The following DPP10 variants were observed in gnomAD, a reference collection of about 807,000 sequenced individuals.
DPP10 encodes inactive dipeptidyl peptidase 10.
In DPP10, 33 loss-of-function variants were observed where a neutral mutation model predicts 120.9. That is an observed-to-expected ratio of 0.27 (90% confidence interval 0.21 to 0.37). DPP10 has a LOEUF of 0.37. Among genes scored for constraint, DPP10 ranks in the 10% least tolerant of loss-of-function variants. The pLI, the probability that DPP10 is intolerant of heterozygous loss-of-function variation, is 1.00. For synonymous variants in DPP10, 337 were observed against 326.1 expected, an observed-to-expected ratio of 1.03 and a Z score of -0.36; for missense variants, 816 against 942.8, an observed-to-expected ratio of 0.87 and a Z score of 1.76.
intron 19 of DPP10, among the ~76,000 whole-genome samples, chr2:115,812,686 T>C (rs17045053): frequency 0.018 from 2,777 of 152,274 alleles, 87 homozygotes; most frequent in African/African-American, 0.061. Context: ...AGGCATATTT[T>C]GATTTGAATC....
At chr2:115,726,040 A>G (rs1325322822) in intron 7 of DPP10, among the ~76,000 whole-genome samples, 1 of 152,148 alleles carries the variant, frequency 6.6e-6, no homozygotes, top group Non-Finnish European at 1.5e-5. Context: ...TTTTAGTAAT[A>G]AGCTTATTTC....
At chr2:115,588,250 T>A (rs190849506) in intron 5 of DPP10, among the ~76,000 whole-genome samples, 22 of 152,236 alleles carry the variant, frequency 1.4e-4, no homozygotes, top group African/African-American at 5.1e-4. Flanking sequence ...TGTTTGGTGA[T>A]CTAGTTCCTC....
intron 5 of DPP10, among the ~76,000 whole-genome samples, chr2:115,633,138 T>A (rs1283624647): frequency 2.0e-5 from 3 of 152,204 alleles, no homozygotes; most frequent in Admixed American, 2.0e-4. Context: ...ACACGTATGT[T>A]TATTATGGCA....
intron 1 of DPP10, among the ~76,000 whole-genome samples, chr2:115,123,744 C>T (rs2049937666): frequency 6.6e-6 from 1 of 152,078 alleles, no homozygotes; most frequent in African/African-American, 2.4e-5. Flanking sequence ...CCTGGGGCAG[C>T]CCTCTCCTGC....
intron 8 of DPP10, among the ~76,000 whole-genome samples, chr2:115,729,669 G>A (rs7608947): frequency 0.48 from 72,022 of 151,620 alleles, 18,659 homozygotes; most frequent in African/African-American, 0.68. Context: ...GAAGTGAGAG[G>A]ATTGTTAATG....
intron 1 of DPP10, among the ~76,000 whole-genome samples, chr2:114,659,398 A>C (rs1697224765): frequency 6.6e-6 from 1 of 152,134 alleles, no homozygotes; most frequent in African/African-American, 2.4e-5. Flanking sequence ...ACTGGGGACT[A>C]TTGCTTAATC....
At chr2:114,451,246 T>C (rs1678258150) in intron 1 of DPP10, among the ~76,000 whole-genome samples, 1 of 151,966 alleles carries the variant, frequency 6.6e-6, no homozygotes, top group Non-Finnish European at 1.5e-5. Flanking sequence ...CTCAGAACAG[T>C]TGTTGGATGA....
intron 3 of DPP10, among the ~76,000 whole-genome samples, chr2:115,394,836 G>A (rs1320073226): frequency 6.6e-6 from 1 of 151,998 alleles, no homozygotes; most frequent in Admixed American, 6.6e-5. Context: ...CTTGAATATG[G>A]GAAATCCATA....
chr2:115,740,722 T>G (rs181982409), intron 9 of DPP10, among the ~76,000 whole-genome samples: 39 of 152,282 alleles, frequency 2.6e-4, no homozygotes, highest in African/African-American at 8.7e-4. Flanking sequence ...TTTTCCTCTG[T>G]ATGCCATCTT....
chr2:115,261,070 A>G (rs927698145), intron 1 of DPP10, among the ~76,000 whole-genome samples: 3 of 152,186 alleles, frequency 2.0e-5, no homozygotes, highest in African/African-American at 7.2e-5. Flanking sequence ...ATAAATTCAA[A>G]CCACCTTAGT....
rs1412864418 is a variant in DPP10, at chr2:114,965,983, A to AAAAAG, written c.61-343251_61-343247dup. On this transcript the variant is annotated intron_variant, in intron 1 of 25. Coordinates refer to ENST00000410059, the MANE Select transcript of DPP10 (RefSeq NM_020868.6). ...CCTTCTCAAAAAAAAAAAAAAAAAAAAAAAGAAAAAAAAAGAAAAAGAAAG... is the reference window on the plus strand; with the variant it reads ...CCTTCTCAAAAAAAAAAAAAAAAAAAAAAAGAAAAGAAAAAAAAAGAAAAAGAAAG... 6.5e-4 allele frequency among the ~76,000 whole-genome samples: 95 copies of AAAAAG among 146,664 alleles called. 1 individual carries two copies. The highest frequency in any genetic ancestry group is 2.4e-3 in the African/African-American group (92 of 38,552).
intron 1 of DPP10, among the ~76,000 whole-genome samples, chr2:115,103,163 A>G (rs2048778759): frequency 6.6e-6 from 1 of 151,234 alleles, no homozygotes; most frequent in Admixed American, 6.6e-5. Flanking sequence ...ATTCTCCTTC[A>G]GACAATGATT....
intron 1 of DPP10, among the ~76,000 whole-genome samples, chr2:115,026,476 A>G (rs1433088777): frequency 1.3e-5 from 2 of 152,050 alleles, no homozygotes; most frequent in Non-Finnish European, 2.9e-5. Context: ...CTTTTTGTTC[A>G]GGATTGCTTT....
chr2:115,637,911 CAA>C (rs2086480070), intron 5 of DPP10, among the ~76,000 whole-genome samples: 1 of 152,120 alleles, frequency 6.6e-6, no homozygotes, highest in African/African-American at 2.4e-5. Context: ...TGGTATAACT[CAA>C]ATATAAGTTC....
At chr2:114,477,249 C>T (rs1489463177) in intron 1 of DPP10, among the ~76,000 whole-genome samples, 2 of 151,936 alleles carry the variant, frequency 1.3e-5, no homozygotes, top group Non-Finnish European at 2.9e-5. Context: ...TGAGCCACTG[C>T]ACCCAGCCAA....
At position 114,627,055 on chromosome 2, in the gene DPP10, C is replaced by T. The variant is rs1694565265; in HGVS notation, c.60+184217C>T. On this transcript the variant is annotated intron_variant, in intron 1 of 25. Coordinates refer to ENST00000410059, the MANE Select transcript of DPP10 (RefSeq NM_020868.6). ...TGTTACAATTATCTTCCAGTGAACA[C>T]ACGAAGCTCCATAAAAGTAATTTTA... Among the ~76,000 whole-genome samples the T allele has an allele frequency of 4.6e-5, 7 of 152,026 alleles. No homozygotes were observed. The South Asian group carries it at 1.2e-3, about 27-fold the overall frequency.
At chr2:115,329,290 A>G (rs943037238) in intron 2 of DPP10, among the ~76,000 whole-genome samples, 4 of 151,994 alleles carry the variant, frequency 2.6e-5, no homozygotes, top group Non-Finnish European at 5.9e-5. Context: ...GGCTTTCTGT[A>G]TGAAAGTCCC....
At position 114,647,156 on chromosome 2, in the gene DPP10, A is replaced by T. The variant is rs541025343; in HGVS notation, c.60+204318A>T. 3.9e-5 allele frequency among the ~76,000 whole-genome samples: 6 copies of T among 152,358 alleles called. No homozygotes were observed. In the South Asian group the frequency reaches 1.2e-3, roughly 32 times the overall value. On this transcript the variant is annotated intron_variant, in intron 1 of 25. Transcript: ENST00000410059. ...AACACGTTTCCAAATTAGCGAGAGC[A>T]GCTCTGAATAAGAAGAAAATTCATG...
chr2:114,980,686 A>G (rs927534075), intron 1 of DPP10, among the ~76,000 whole-genome samples: 1 of 151,876 alleles, frequency 6.6e-6, no homozygotes, highest in African/African-American at 2.4e-5. Flanking sequence ...TAGAAATCCA[A>G]ATGGCCAAAA....
Sources: gnomAD v4.1 joint callset for allele counts (sites outside exome capture counted in the v4.1 genomes callset) on GRCh38, gnomAD v4.1.1 for gene constraint, MANE v1.5 for transcripts, NCBI Gene and HGNC (gene_info 2026-07-23, HGNC 2026-07-21) for gene names.